The following SAMD12 variants were observed in gnomAD, a reference collection of about 807,000 sequenced individuals.
SAMD12 encodes sterile alpha motif domain-containing protein 12.
Under a neutral mutation model 15.0 loss-of-function variants are expected in SAMD12, and 9 were observed. That is an observed-to-expected ratio of 0.60 (90% confidence interval 0.36 to 1.05). SAMD12 has a LOEUF of 1.05. Ranked by LOEUF, SAMD12 falls within the 50% of genes least tolerant of loss-of-function variation. The pLI, the probability that SAMD12 is intolerant of heterozygous loss-of-function variation, is 0.01. For synonymous variants in SAMD12, 86 were observed against 90.1 expected (o/e 0.96, Z 0.25); for missense variants, 230 against 234.2 (o/e 0.98, Z 0.12).
exon 5 of SAMD12, chr8:118,196,631 C>T (rs558200404): frequency 7.9e-5 from 12 of 152,272 alleles, no homozygotes; most frequent in African/African-American, 2.9e-4. Context: ...AGTGGGGTCA[C>T]TTGATGTTTC....
chr8:118,215,175 T>A (rs1811930626), intron 4 of SAMD12, among the ~76,000 whole-genome samples: 1 of 152,218 alleles, frequency 6.6e-6, no homozygotes, highest in African/African-American at 2.4e-5. Flanking sequence ...ATAGCCCCTG[T>A]AGGACAAATC....
At chr8:118,448,405 T>A (rs1008358858) in intron 2 of SAMD12, among the ~76,000 whole-genome samples, 1 of 152,218 alleles carries the variant, frequency 6.6e-6, no homozygotes. Flanking sequence ...ACCTGCACAA[T>A]GACAAGGGTC....
the SAMD12 span, among the ~76,000 whole-genome samples, chr8:118,171,756 G>A: frequency 6.7e-6 from 1 of 148,550 alleles, no homozygotes; most frequent in African/African-American, 2.5e-5. Flanking sequence ...TTTGGGTCAG[G>A]TCATGAAATT....
chr8:118,568,850 A>T (rs572930356), intron 2 of SAMD12, among the ~76,000 whole-genome samples: 1 of 152,336 alleles, frequency 6.6e-6, no homozygotes, highest in African/African-American at 2.4e-5. Context: ...TTGAAAAAGC[A>T]TATTTTCAGT....
chr8:118,519,954 G>A (rs1032176882), intron 2 of SAMD12, among the ~76,000 whole-genome samples: 4 of 152,082 alleles, frequency 2.6e-5, no homozygotes, highest in Admixed American at 6.6e-5. Flanking sequence ...AATTACGTTG[G>A]TGCTTCCATA....
intron 2 of SAMD12, among the ~76,000 whole-genome samples, chr8:118,517,437 C>A (rs942328298): frequency 1.3e-5 from 2 of 152,072 alleles, no homozygotes; most frequent in African/African-American, 4.8e-5. Flanking sequence ...TTAAAGGTTA[C>A]GATACAATAG....
chr8:118,368,147 C>T (rs1818892340), intron 4 of SAMD12, among the ~76,000 whole-genome samples: 1 of 152,112 alleles, frequency 6.6e-6, no homozygotes. Flanking sequence ...ATATTCCTGG[C>T]CACAACATTT....
chr8:118,176,432 G>T, the SAMD12 span, among the ~76,000 whole-genome samples: 2 of 152,112 alleles, frequency 1.3e-5, no homozygotes, highest in Non-Finnish European at 2.9e-5. Context: ...ATCAATGGTG[G>T]ACTGAATAAA....
chr8:118,565,834 CCT>C (rs1165568515), intron 2 of SAMD12, among the ~76,000 whole-genome samples: 1 of 152,174 alleles, frequency 6.6e-6, no homozygotes, highest in African/African-American at 2.4e-5. Context: ...ATCTTTCATT[CCT>C]CTCTTTGCCT....
At chr8:118,169,659 G>A in the SAMD12 span, among the ~76,000 whole-genome samples, 1 of 152,152 alleles carries the variant, frequency 6.6e-6, no homozygotes, top group Non-Finnish European at 1.5e-5. Flanking sequence ...TTCTTTCAGG[G>A]AGACCTATGG....
At chr8:118,240,809 A>C (rs28370841) in intron 4 of SAMD12, among the ~76,000 whole-genome samples, 3,620 of 152,210 alleles carry the variant, frequency 0.024, 151 homozygotes, top group African/African-American at 0.083. Flanking sequence ...GTCTTGCTTG[A>C]GATTGCCCGT....
chr8:118,621,021 A>G (rs753363246), intron 1 of SAMD12: 1 of 152,182 alleles, frequency 6.6e-6, no homozygotes, highest in Non-Finnish European at 1.5e-5. Context: ...CCAAGGTAAG[A>G]TAACCTGAAA....
At chr8:118,350,917 T>C (rs958531696) in intron 4 of SAMD12, among the ~76,000 whole-genome samples, 2 of 152,246 alleles carry the variant, frequency 1.3e-5, no homozygotes. Context: ...AATCCTTTTC[T>C]ATTTTACTTT....
chr8:118,287,120 A>ATTTTT (rs202195351), intron 4 of SAMD12, among the ~76,000 whole-genome samples: 1 of 132,810 alleles, frequency 7.5e-6, no homozygotes, highest in African/African-American at 3.0e-5. Context: ...GTAAGGAAGA[A>ATTTTT]TATTTTTTTT....
chr8:118,544,574 T>TCA (rs1309248728), intron 2 of SAMD12, among the ~76,000 whole-genome samples: 16 of 152,138 alleles, frequency 1.1e-4, no homozygotes, highest in Admixed American at 6.5e-5. Flanking sequence ...TCACCCCAGG[T>TCA]CACATTCCTT....
chr8:118,369,582 G>C (rs1251657588), intron 4 of SAMD12, among the ~76,000 whole-genome samples: 1 of 152,034 alleles, frequency 6.6e-6, no homozygotes, highest in Non-Finnish European at 1.5e-5. Context: ...TGGGCATGGT[G>C]GTGGGCACCT....
In SAMD12 at chr8:118,438,114, G is replaced by C. The variant is rs569071410; in HGVS notation, c.322+1718C>G. ...GGGCTTTTCTTAAACTCTTAAGGGA[G>C]GAACTAAGAAAATGAATGTAGACAC... On this transcript the variant is annotated intron_variant, in intron 3 of 3. Transcript: ENST00000314727. Among the ~76,000 whole-genome samples, 4 of 152,280 alleles carry C rather than the reference G, an allele frequency of 2.6e-5. No homozygotes were observed. The East Asian group carries it at 7.7e-4, about 29-fold the overall frequency.
chr8:118,204,094 T>A (rs942936711), intron 4 of SAMD12, among the ~76,000 whole-genome samples: 2 of 152,170 alleles, frequency 1.3e-5, no homozygotes, highest in African/African-American at 4.8e-5. Flanking sequence ...TGTGATTTTA[T>A]ATTCAATGCA....
At chr8:118,226,016 A>T (rs1279393487) in intron 4 of SAMD12, among the ~76,000 whole-genome samples, 1 of 152,318 alleles carries the variant, frequency 6.6e-6, no homozygotes, top group South Asian at 2.1e-4. Flanking sequence ...ACAGAGATGC[A>T]TATGTACACA....
Sources: gnomAD v4.1 joint callset for allele counts (sites outside exome capture counted in the v4.1 genomes callset) on GRCh38, gnomAD v4.1.1 for gene constraint, MANE v1.5 for transcripts, NCBI Gene and HGNC (gene_info 2026-07-23, HGNC 2026-07-21) for gene names.